Variants in DNAH5 observed in about 807,000 individuals in gnomAD.
DNAH5 encodes the protein dynein axonemal heavy chain 5, also known as axonemal beta dynein heavy chain 5.
In DNAH5, 372 loss-of-function variants were observed where a neutral mutation model predicts 518.2. That is an observed-to-expected ratio of 0.72 (90% confidence interval 0.66 to 0.78). The LOEUF (loss-of-function observed/expected upper bound fraction) is 0.78, where lower values mean the gene tolerates loss of function less well. Ranked by LOEUF, DNAH5 falls within the 30% of genes least tolerant of loss-of-function variation. DNAH5 has a pLI of 0.00. For missense variants in DNAH5, 5,523 were observed against 5,687.0 expected (o/e 0.97, Z 0.93); for synonymous variants, 2,039 against 2,025.9 (o/e 1.01, Z -0.17).
At chr5:13,799,363 G>A (rs1758384563) in intron 47 of DNAH5, among the ~76,000 whole-genome samples, 1 of 152,098 alleles carries the variant, frequency 6.6e-6, no homozygotes, top group African/African-American at 2.4e-5. Context: ...TTTATGTATT[G>A]GGAAGCTTTC....
chr5:13,742,990 T>C (rs1479576387), intron 65 of DNAH5, among the ~76,000 whole-genome samples: 1 of 152,086 alleles, frequency 6.6e-6, no homozygotes, highest in African/African-American at 2.4e-5. Flanking sequence ...CTTATGGATA[T>C]GGTTATAGGC....
intron 23 of DNAH5, 114 bp from the exon 24 acceptor site, chr5:13,871,116 C>T (rs1045456150): frequency 3.1e-5 from 23 of 735,230 alleles, no homozygotes; most frequent in South Asian, 3.1e-4. Context: ...CCCTCTAACC[C>T]ACAAAAAATT....
chr5:13,762,580 G>T, intron 60 of DNAH5, 142 bp downstream of exon 60: 1 of 724,074 alleles, frequency 1.4e-6, no homozygotes, highest in Non-Finnish European at 2.4e-6. Context: ...CCCATGCTTG[G>T]CCTTTCTATG....
intron 49 of DNAH5, 63 bp downstream of exon 49, chr5:13,793,452 C>G: frequency 8.2e-6 from 12 of 1,458,214 alleles, no homozygotes; most frequent in Non-Finnish European, 1.2e-5. Flanking sequence ...TGAAGATTTT[C>G]AAAAAGGAAC....
At chr5:13,994,239 C>T (rs1320012222) in intron 1 of DNAH5, among the ~76,000 whole-genome samples, 2 of 152,276 alleles carry the variant, frequency 1.3e-5, no homozygotes, top group East Asian at 3.9e-4. Flanking sequence ...CCTTTGACCC[C>T]AGGTCTTATC....
At chr5:13,848,538 T>A (rs1035177981) in intron 31 of DNAH5, among the ~76,000 whole-genome samples, 1 of 152,204 alleles carries the variant, frequency 6.6e-6, no homozygotes, top group Non-Finnish European at 1.5e-5. Flanking sequence ...CATAATGAAA[T>A]AATTCTACAA....
chr5:13,706,394 T>A (rs1184094692), intron 76 of DNAH5, among the ~76,000 whole-genome samples: 1 of 152,212 alleles, frequency 6.6e-6, no homozygotes, highest in Non-Finnish European at 1.5e-5. Context: ...GGGTTCATGC[T>A]GTGGGTGTGG....
At chr5:13,879,197 G>A (rs1406839037) in intron 21 of DNAH5, among the ~76,000 whole-genome samples, 1 of 152,132 alleles carries the variant, frequency 6.6e-6, no homozygotes, top group African/African-American at 2.4e-5. Flanking sequence ...AACAAAAACA[G>A]GGAAATACAG....
chr5:13,733,413 A>G (rs1263829747), intron 68 of DNAH5, among the ~76,000 whole-genome samples: 1 of 152,212 alleles, frequency 6.6e-6, no homozygotes, highest in African/African-American at 2.4e-5. Flanking sequence ...CAGGAACAAC[A>G]ATCCATTGAA....
At chr5:13,701,558 C>A in intron 76 of DNAH5, 122 bp from the exon 77 acceptor site, 1 of 969,230 alleles carries the variant, frequency 1.0e-6, no homozygotes, top group Admixed American at 2.5e-5. Flanking sequence ...TGAAAAAAGT[C>A]CCTAAGTCAT....
At chr5:13,792,380 C>G (rs113795173) in intron 49 of DNAH5, among the ~76,000 whole-genome samples, 163 bp from the exon 50 acceptor site, 2 of 151,884 alleles carry the variant, frequency 1.3e-5, no homozygotes, top group African/African-American at 4.8e-5. Flanking sequence ...TTTTCAAATA[C>G]AGTATAACAA....
chr5:13,975,826 A>G (rs1782200144), intron 1 of DNAH5, among the ~76,000 whole-genome samples: 1 of 152,214 alleles, frequency 6.6e-6, no homozygotes. Context: ...TTAGGGTTCC[A>G]TATATAATTT....
chr5:13,765,895 T>C, intron 59 of DNAH5, 81 bp downstream of exon 59: 2 of 1,400,342 alleles, frequency 1.4e-6, no homozygotes, highest in Non-Finnish European at 2.0e-6. Context: ...GTTCTTTTTT[T>C]AGAAACTTAT....
chr5:13,853,312 G>C (rs945504743), intron 30 of DNAH5, among the ~76,000 whole-genome samples: 3 of 152,198 alleles, frequency 2.0e-5, no homozygotes, highest in Admixed American at 2.0e-4. Context: ...CAAACAGGAA[G>C]CAATAGCATC....
intron 70 of DNAH5, among the ~76,000 whole-genome samples, chr5:13,724,928 T>C (rs1487974339): frequency 6.6e-6 from 1 of 152,228 alleles, no homozygotes; most frequent in Non-Finnish European, 1.5e-5. Context: ...TAAACCTCTT[T>C]TCTTTATAAA....
intron 1 of DNAH5, among the ~76,000 whole-genome samples, chr5:14,007,564 C>G (rs1784804714): frequency 6.6e-6 from 1 of 152,208 alleles, no homozygotes; most frequent in Admixed American, 6.5e-5. Flanking sequence ...ATTACCCCAT[C>G]TGGGATAGGT....
intron 12 of DNAH5, among the ~76,000 whole-genome samples, chr5:13,903,284 A>G (rs1774904550): frequency 6.6e-6 from 1 of 152,158 alleles, no homozygotes; most frequent in Admixed American, 6.5e-5. Flanking sequence ...AAAATCACCC[A>G]AAGTATAGCA....
In DNAH5 at chr5:13,762,954, T is replaced by C. The variant is rs1751987924; in HGVS notation, c.10102-53A>G. The C allele has an allele frequency of 9.5e-6, 14 of 1,471,416 alleles. No homozygotes were observed. The Admixed American group carries it at 1.3e-4, about 14-fold the overall frequency. 91.1% of individuals were successfully genotyped at this position (1,471,416 alleles called of 1,614,324 possible). A position where few individuals can be genotyped will look rare whatever the true frequency, so the allele number is the denominator to read the frequency against. ...CGAAACACTTCTTTCCATAAAGTCA[T>C]ACTTGCATCATGCTCTCAATGCCAC... On this transcript the variant is annotated intron_variant, in intron 59 of 78. Coordinates refer to ENST00000265104, the MANE Select transcript of DNAH5 (RefSeq NM_001369.3).
In DNAH5 at chr5:13,927,976, T is replaced by C. The variant is rs12659700; in HGVS notation, c.277+118A>G. On this transcript the variant is annotated intron_variant, in intron 3 of 78. Transcript: ENST00000265104. ...TTTCCCACATGGACCCACACACGCA[T>C]CTCCCTCCCGCCCGCAAGGTGAAAC... 586,522 of 812,650 alleles carry C rather than the reference T, an allele frequency of 0.72. 213,328 individuals are homozygous for C. The highest frequency in any genetic ancestry group is 0.89 in the East Asian group (34,878 of 38,990). 50.3% of individuals were successfully genotyped at this position (812,650 alleles called of 1,614,324 possible).
Sources: gnomAD v4.1 joint callset for allele counts (sites outside exome capture counted in the v4.1 genomes callset) on GRCh38, gnomAD v4.1.1 for gene constraint, MANE v1.5 for transcripts, NCBI Gene and HGNC (gene_info 2026-07-23, HGNC 2026-07-21) for gene names.